CDC14A: variants seen among roughly 807,000 people sequenced by gnomAD.
CDC14A encodes the protein dual specificity protein phosphatase CDC14A.
CDC14A carries 53 observed loss-of-function variants against 74.4 expected under a neutral mutation model. That is an observed-to-expected ratio of 0.71 (90% CI 0.57 to 0.89). The LOEUF (loss-of-function observed/expected upper bound fraction) is 0.89. Ranked by LOEUF, CDC14A falls within the 40% of genes least tolerant of loss-of-function variation. The pLI is 0.00. For missense variants in CDC14A, 646 were observed against 713.7 expected (o/e 0.91, Z 1.08); for synonymous variants, 247 against 258.4 (o/e 0.96, Z 0.43).
intron 12 of CDC14A, among the ~76,000 whole-genome samples, chr1:100,495,542 A>T (rs1244035143): frequency 2.6e-5 from 4 of 152,222 alleles, no homozygotes; most frequent in African/African-American, 9.7e-5. Context: ...TGTAAATATC[A>T]TCATTTTTTA....
intron 4 of CDC14A, among the ~76,000 whole-genome samples, chr1:100,391,323 A>G (rs1657675369): frequency 6.6e-6 from 1 of 152,208 alleles, no homozygotes; most frequent in African/African-American, 2.4e-5. Context: ...TCCTGCATAT[A>G]TTATAGCTTC....
intron 15 of CDC14A, among the ~76,000 whole-genome samples, chr1:100,509,857 G>A (rs769072900): frequency 3.3e-5 from 5 of 152,166 alleles, no homozygotes; most frequent in Admixed American, 2.0e-4. Context: ...TCAGCCTTCT[G>A]TTATGAAAAA....
chr1:100,410,653 G>A (rs1156655834), intron 4 of CDC14A, among the ~76,000 whole-genome samples: 1 of 152,124 alleles, frequency 6.6e-6, no homozygotes, highest in Non-Finnish European at 1.5e-5. Flanking sequence ...AAAAACATTT[G>A]GAATATCCTG....
chr1:100,412,744 ATATATATATTT>A (rs1308348370), intron 4 of CDC14A, among the ~76,000 whole-genome samples: 1 of 112,532 alleles, frequency 8.9e-6, no homozygotes, highest in East Asian at 2.2e-4. Context: ...TATATTTTAT[ATATATATATTT>A]TATATATATA....
chr1:100,381,663 T>G (rs1557698950), intron 3 of CDC14A, among the ~76,000 whole-genome samples: 1 of 152,202 alleles, frequency 6.6e-6, no homozygotes, highest in Admixed American at 6.5e-5. Flanking sequence ...TTTCTGTGTC[T>G]ATATGCATTC....
intron 2 of CDC14A, among the ~76,000 whole-genome samples, chr1:100,364,151 A>G (rs1653204089): frequency 6.6e-6 from 1 of 151,848 alleles, no homozygotes; most frequent in Admixed American, 6.6e-5. Flanking sequence ...ATTGATCACA[A>G]TTTACTTTTT....
chr1:100,349,151 G>A (rs1650697788), upstream of CDC14A, among the ~76,000 whole-genome samples: 1 of 151,900 alleles, frequency 6.6e-6, no homozygotes, highest in Admixed American at 6.6e-5. Context: ...AGCCCAGATG[G>A]TGCCACTGCA....
Position 100,397,293 on chromosome 1 carries a change from T to C in CDC14A, c.309+6469T>C, listed in dbSNP as rs529329613. On this transcript the variant is annotated intron_variant, in intron 4 of 15. Coordinates refer to ENST00000336454, the MANE Select transcript of CDC14A (RefSeq NM_003672.4). ...TAGAGCATCTCTTCACCCCCTGCAT[T>C]GTGACATTGTGCTCCTTGAGATGGA... 3.8e-4 allele frequency among the ~76,000 whole-genome samples: 58 copies of C among 152,280 alleles called. 2 individuals are homozygous for C. The South Asian group carries it at 0.012, about 31-fold the overall frequency.
chr1:100,349,774 C>T (rs1044503171), upstream of CDC14A, among the ~76,000 whole-genome samples: 6 of 151,902 alleles, frequency 3.9e-5, no homozygotes, highest in African/African-American at 9.7e-5. Context: ...GCCATTCTCC[C>T]GCCTCGGCCT....
chr1:100,499,559 C>A, intron 15 of CDC14A: 4 of 813,660 alleles, frequency 4.9e-6, no homozygotes, highest in Non-Finnish European at 7.2e-6. Flanking sequence ...TGATTATGGG[C>A]ATTGTTGACT....
chr1:100,463,684 G>A (rs1667530611), intron 9 of CDC14A, among the ~76,000 whole-genome samples: 1 of 152,180 alleles, frequency 6.6e-6, no homozygotes, highest in South Asian at 2.1e-4. Flanking sequence ...GCAACCCCAT[G>A]TCAGCTACTC....
At chr1:100,469,056 G>T (rs1668130881) in intron 10 of CDC14A, among the ~76,000 whole-genome samples, 1 of 151,940 alleles carries the variant, frequency 6.6e-6, no homozygotes, top group Non-Finnish European at 1.5e-5. Context: ...CACTATGCCT[G>T]GCTGATGGCT....
At chr1:100,458,013 C>A (rs1191621336) in intron 8 of CDC14A, among the ~76,000 whole-genome samples, 1 of 152,096 alleles carries the variant, frequency 6.6e-6, no homozygotes, top group Non-Finnish European at 1.5e-5. Flanking sequence ...ATATTTAAAA[C>A]AATTTTTGGT....
At position 100,414,005 on chromosome 1, in the gene CDC14A, C is replaced by G. The variant is rs563332994; in HGVS notation, c.310-10217C>G. 1.7e-4 allele frequency among the ~76,000 whole-genome samples: 26 copies of G among 152,248 alleles called. No individual in the cohort carries two copies. The East Asian group carries it at 4.4e-3, about 26-fold the overall frequency. On this transcript the variant is annotated intron_variant, in intron 4 of 15. Transcript: ENST00000336454. Reference sequence around the variant, plus strand: ...ATAATTAACTTAAGAAACTAACACACTTACTTAATTATTTTAGTTTTAATT... The same window carrying G: ...ATAATTAACTTAAGAAACTAACACAGTTACTTAATTATTTTAGTTTTAATT...
At chr1:100,462,082 C>T (rs922855516) in intron 8 of CDC14A, among the ~76,000 whole-genome samples, 3 of 152,142 alleles carry the variant, frequency 2.0e-5, no homozygotes, top group Admixed American at 6.5e-5. Context: ...CCCAACACCC[C>T]CTCTTTTAGT....
chr1:100,419,962 A>G (rs1171031069), intron 4 of CDC14A, among the ~76,000 whole-genome samples: 5 of 146,256 alleles, frequency 3.4e-5, no homozygotes, highest in Non-Finnish European at 6.0e-5. Flanking sequence ...CAAAATATAA[A>G]TATAATTAAT....
intron 4 of CDC14A, among the ~76,000 whole-genome samples, chr1:100,410,011 T>C (rs562056261): frequency 6.6e-6 from 1 of 152,256 alleles, no homozygotes; most frequent in South Asian, 2.1e-4. Context: ...GTTTTTAGCC[T>C]GGGACCTGGG....
At chr1:100,489,390 A>ATCTTT (rs1158506213) in intron 11 of CDC14A, among the ~76,000 whole-genome samples, 1 of 152,070 alleles carries the variant, frequency 6.6e-6, no homozygotes, top group Non-Finnish European at 1.5e-5. Context: ...TATCTCATAG[A>ATCTTT]TCTTTTCTTA....
At chr1:100,478,754 T>C (rs1669169232) in intron 10 of CDC14A, among the ~76,000 whole-genome samples, 1 of 152,200 alleles carries the variant, frequency 6.6e-6, no homozygotes, top group Non-Finnish European at 1.5e-5. Context: ...AACCAAAAAT[T>C]CCCCTGTTCT....
Sources: allele counts gnomAD v4.1 joint callset (sites outside exome capture counted in the v4.1 genomes callset), GRCh38; gene constraint gnomAD v4.1.1; transcripts MANE v1.5; gene names NCBI Gene and HGNC (gene_info 2026-07-23, HGNC 2026-07-21).